PARG: variants seen among roughly 807,000 people sequenced by gnomAD.
PARG encodes the protein mitochondrial poly(ADP-ribose) glycohydrolase.
Under a neutral mutation model 113.0 loss-of-function variants are expected in PARG, and 35 were observed. That is an observed-to-expected ratio of 0.31 (90% confidence interval 0.24 to 0.41). The LOEUF (loss-of-function observed/expected upper bound fraction) is 0.41, where lower values mean the gene tolerates loss of function less well. PARG is among the 10% of genes least tolerant of loss of function. The pLI, the probability that PARG is intolerant of heterozygous loss-of-function variation, is 1.00. For missense variants in PARG, 797 were observed against 1,169.4 expected (o/e 0.68, Z 4.64); for synonymous variants, 330 against 409.9 (o/e 0.81, Z 2.36).
intron 8 of PARG, among the ~76,000 whole-genome samples, chr10:49,882,452 C>T (rs1362805758): frequency 2.0e-5 from 3 of 152,000 alleles, no homozygotes; most frequent in Non-Finnish European, 2.9e-5. Context: ...CAGAGATTGA[C>T]TTTTCAATAG....
chr10:49,915,305 T>C (rs868975427), intron 7 of PARG, among the ~76,000 whole-genome samples: 2 of 151,980 alleles, frequency 1.3e-5, no homozygotes, highest in African/African-American at 4.8e-5. Flanking sequence ...AAAATTTGAA[T>C]AGGTATTTCT....
At chr10:49,926,299 A>G (rs1336138984) in intron 4 of PARG, among the ~76,000 whole-genome samples, 1 of 151,854 alleles carries the variant, frequency 6.6e-6, no homozygotes, top group African/African-American at 2.4e-5. Context: ...ACCTCATCAT[A>G]TCTGAAAGCT....
At chr10:49,820,346 C>T (rs1465290872) in intron 16 of PARG, 53 bp from the exon 17 acceptor site, 3 of 1,359,672 alleles carry the variant, frequency 2.2e-6, no homozygotes, top group Non-Finnish European at 2.0e-6. Context: ...CACCTAGATA[C>T]CTTTAGCTCT....
At chr10:49,902,362 AC>A (rs1848382594) in intron 7 of PARG, among the ~76,000 whole-genome samples, 1 of 152,220 alleles carries the variant, frequency 6.6e-6, no homozygotes, top group Non-Finnish European at 1.5e-5. Flanking sequence ...GCATATGAGG[AC>A]CGATGTGGTA....
chr10:49,922,629 G>A lies in PARG; in HGVS notation c.1496C>T (p.Pro499Leu). 2 of 1,593,156 alleles carry A rather than the reference G, an allele frequency of 1.3e-6. No homozygotes were observed. The highest frequency in any genetic ancestry group is 2.3e-5 in the South Asian group (2 of 87,890). ...LRAGEVPKPF[P>L]THYKDLWDNK... ...ATCCCACAAATCTTTATAATGTGTT[G>A]GAAAAGGTTTAGGAACTTCTCCTGC... The change falls in exon 5 of 18, where the codon CCA becomes CTA. Residue 499 changes from proline to leucine, a missense_variant. Physicochemically the swap from Pro to Leu is moderately conservative, Grantham distance 98. Transcript: ENST00000616448.
rs555389443 is a variant in PARG at position 49,914,365 on chromosome 10, C to T, written c.1737+1552G>A. Among the ~76,000 whole-genome samples the T allele has an allele frequency of 3.9e-5, 6 of 152,254 alleles. No homozygotes were observed. The South Asian group carries it at 6.2e-4, about 16-fold the overall frequency. On this transcript the variant is annotated intron_variant, in intron 7 of 17. Transcript: ENST00000616448. ...CATATCAGATATTACATTGCTGTTA[C>T]AGTGAAAGACATTTAGATTCAAGGA...
intron 13 of PARG, among the ~76,000 whole-genome samples, chr10:49,856,546 A>G (rs1267119421): frequency 4.6e-5 from 7 of 152,264 alleles, no homozygotes; most frequent in African/African-American, 1.7e-4. Flanking sequence ...ATTTCTCTAA[A>G]TACTGTTCCT....
At chr10:49,841,018 GT>G (rs1554832178) in intron 15 of PARG, among the ~76,000 whole-genome samples, 1 of 152,230 alleles carries the variant, frequency 6.6e-6, no homozygotes, top group African/African-American at 2.4e-5. Flanking sequence ...TTGGGAGGCT[GT>G]GGCGGGCAGG....
intron 6 of PARG, among the ~76,000 whole-genome samples, chr10:49,920,664 T>C (rs1435047323): frequency 6.7e-6 from 1 of 149,330 alleles, no homozygotes; most frequent in Non-Finnish European, 1.5e-5. Flanking sequence ...ATATATGGAG[T>C]TTATATTTAG....
chr10:49,928,243 T>C (rs1312982055), intron 4 of PARG, among the ~76,000 whole-genome samples: 22 of 151,378 alleles, frequency 1.5e-4, no homozygotes, highest in Non-Finnish European at 2.2e-4. Context: ...TGCACTCCAG[T>C]CTGGGTGACA....
chr10:49,892,810 G>A (rs535645211), intron 7 of PARG, among the ~76,000 whole-genome samples: 1 of 152,232 alleles, frequency 6.6e-6, no homozygotes, highest in East Asian at 1.9e-4. Context: ...CGCCAGGCAC[G>A]GTGGCTCACC....
At chr10:49,845,068 CAAAAG>C (rs1420957014) in intron 13 of PARG, among the ~76,000 whole-genome samples, 1 of 152,102 alleles carries the variant, frequency 6.6e-6, no homozygotes, top group Non-Finnish European at 1.5e-5. Flanking sequence ...ACCATACACT[CAAAAG>C]AGAGGCTAAA....
intron 13 of PARG, 147 bp from the exon 14 acceptor site, chr10:49,843,779 G>C: frequency 1.7e-6 from 1 of 593,874 alleles, no homozygotes; most frequent in Admixed American, 2.9e-5. Flanking sequence ...AAACAAAAAG[G>C]CATAAAGAAT....
intron 7 of PARG, among the ~76,000 whole-genome samples, chr10:49,890,203 C>T (rs183759627): frequency 1.1e-3 from 162 of 152,236 alleles, no homozygotes; most frequent in African/African-American, 3.7e-3. Flanking sequence ...TAAAACCCTG[C>T]CCTCTACTGG....
At chr10:49,848,557 G>C (rs1300770931) in intron 13 of PARG, among the ~76,000 whole-genome samples, 7 of 145,252 alleles carry the variant, frequency 4.8e-5, no homozygotes, top group African/African-American at 1.8e-4. Flanking sequence ...TTTTGGACAA[G>C]ATATTCATGC....
At position 49,933,301 on chromosome 10, in the gene PARG, T is replaced by A. The variant is rs1179301473; in HGVS notation, c.1147A>T (p.Asn383Tyr). Residue 383 changes from asparagine (N) to tyrosine (Y), a missense_variant, in exon 3 of 18, where the codon AAT (asparagine) becomes TAT (tyrosine). This residue lies in a region of PARG where 252 missense variants were observed against 437.4 expected (regional missense o/e 0.58). Coordinates refer to ENST00000616448, the MANE Select transcript of PARG (RefSeq NM_003631.5). The part of the protein sequence containing the change: ...GESRTGMNDL[N>Y]AKLPGNISSL... ...GAAATATTTCCAGGTAGTTTAGCAT[T>A]TAAATCATTCATTCCAGTGCGACTC... 3 of 1,609,944 alleles carry A rather than the reference T, an allele frequency of 1.9e-6. No individual in the cohort carries two copies. The highest frequency in any genetic ancestry group is 2.5e-6 in the Non-Finnish European group (3 of 1,177,012).
At chr10:49,831,730 GCTTTCC>G (rs1456466462) in intron 16 of PARG, among the ~76,000 whole-genome samples, 1 of 152,196 alleles carries the variant, frequency 6.6e-6, no homozygotes, top group Non-Finnish European at 1.5e-5. Flanking sequence ...TAGAAGCTCT[GCTTTCC>G]CTTCTAGGCT....
chr10:49,922,479 T>A, intron 5 of PARG, 60 bp from the exon 6 acceptor site: 1 of 1,609,730 alleles, frequency 6.2e-7, no homozygotes, highest in Non-Finnish European at 8.5e-7. Flanking sequence ...CATCACAGAA[T>A]CAAAGGTCAA....
At chr10:49,882,374 C>A (rs1847257498) in intron 8 of PARG, among the ~76,000 whole-genome samples, 1 of 150,880 alleles carries the variant, frequency 6.6e-6, no homozygotes, top group East Asian at 2.0e-4. Context: ...TTATTAAACA[C>A]CAACATATAC....
Sources: gnomAD v4.1 joint callset for allele counts (sites outside exome capture counted in the v4.1 genomes callset) on GRCh38, gnomAD v4.1.1 for gene constraint, gnomAD v4.1.1 regional missense constraint, MANE v1.5 for transcripts, NCBI Gene and HGNC (gene_info 2026-07-23, HGNC 2026-07-21) for gene names.